Variants in LRRC8B observed in about 807,000 individuals in gnomAD.
LRRC8B encodes the protein volume-regulated anion channel subunit LRRC8B.
In LRRC8B, 23 loss-of-function variants were observed where a neutral mutation model predicts 58.8. The observed-to-expected ratio is 0.39, with a 90% CI of 0.28 to 0.55. The LOEUF (loss-of-function observed/expected upper bound fraction) is 0.55, where lower values mean the gene tolerates loss of function less well. LRRC8B is among the 20% of genes least tolerant of loss of function. The pLI is 0.62. For synonymous variants in LRRC8B, 359 were observed against 374.1 expected, an observed-to-expected ratio of 0.96 and a Z score of 0.47; for missense variants, 694 against 936.0, an observed-to-expected ratio of 0.74 and a Z score of 3.37.
chr1:89,592,614 A>G (rs914565581), intron 5 of LRRC8B, among the ~76,000 whole-genome samples, 157 bp from the exon 6 acceptor site: 12 of 151,022 alleles, frequency 7.9e-5, no homozygotes, highest in African/African-American at 2.9e-4. Context: ...TTTTCCCTCT[A>G]TCTTTTCATC....
chr1:89,539,955 C>T (rs1341879967), intron 1 of LRRC8B, among the ~76,000 whole-genome samples: 1 of 152,152 alleles, frequency 6.6e-6, no homozygotes, highest in Non-Finnish European at 1.5e-5. Context: ...ATTAAATATT[C>T]AGCAGATATT....
At chr1:89,529,711 A>T (rs1028289562) in intron 1 of LRRC8B, among the ~76,000 whole-genome samples, 3 of 152,052 alleles carry the variant, frequency 2.0e-5, no homozygotes, top group Non-Finnish European at 2.9e-5. Flanking sequence ...TGACAGCAAA[A>T]TTTTTTCTAT....
At chr1:89,585,552 G>A (rs1231651146) in intron 5 of LRRC8B, among the ~76,000 whole-genome samples, 1 of 152,156 alleles carries the variant, frequency 6.6e-6, no homozygotes, top group Non-Finnish European at 1.5e-5. Context: ...GGAAGAAAGA[G>A]GGAAAACCTG....
At chr1:89,584,893 A>G (rs1414323485) in intron 5 of LRRC8B, 104 bp downstream of exon 5, 1 of 796,680 alleles carries the variant, frequency 1.3e-6, no homozygotes, top group Non-Finnish European at 2.0e-6. Context: ...TTCTCAAGCC[A>G]AGCCCAATCC....
intron 1 of LRRC8B, chr1:89,558,773 G>T (rs1160211802): frequency 6.6e-6 from 1 of 152,158 alleles, no homozygotes; most frequent in Non-Finnish European, 1.5e-5. Flanking sequence ...CGTTGAACAT[G>T]GTGTAGGAGT....
chr1:89,573,483 A>G (rs914508904), intron 3 of LRRC8B, among the ~76,000 whole-genome samples: 1 of 152,050 alleles, frequency 6.6e-6, no homozygotes, highest in African/African-American at 2.4e-5. Flanking sequence ...TGATTTTCCT[A>G]ATGTTTAGAG....
chr1:89,530,887 A>AT (rs1480017444), intron 1 of LRRC8B, among the ~76,000 whole-genome samples: 1 of 152,042 alleles, frequency 6.6e-6, no homozygotes, highest in Non-Finnish European at 1.5e-5. Flanking sequence ...CTGCTGAGCT[A>AT]TTAGGGGAGT....
At chr1:89,562,297 CAGA>C (rs777450758) in intron 1 of LRRC8B, among the ~76,000 whole-genome samples, 5 of 151,974 alleles carry the variant, frequency 3.3e-5, no homozygotes, top group African/African-American at 4.8e-5. Flanking sequence ...GACCTCTTAA[CAGA>C]AGATTAACAG....
chr1:89,568,885 CAT>C (rs374198084), intron 3 of LRRC8B, among the ~76,000 whole-genome samples: 3 of 152,120 alleles, frequency 2.0e-5, no homozygotes, highest in African/African-American at 7.2e-5. Flanking sequence ...TTAATGCTAC[CAT>C]AGATTTGGTT....
At chr1:89,553,675 T>G (rs2100918809) in intron 1 of LRRC8B, among the ~76,000 whole-genome samples, 1 of 152,312 alleles carries the variant, frequency 6.6e-6, no homozygotes, top group Admixed American at 6.5e-5. Context: ...TCTAATTACT[T>G]TGTCCATTTG....
rs377547152 is a variant in LRRC8B at position 89,540,750 on chromosome 1, G to A, written c.-241+15728G>A. Among the ~76,000 whole-genome samples, 468 of 152,326 alleles carry A rather than the reference G, an allele frequency of 3.1e-3. 3 individuals are homozygous for A. The highest frequency in any genetic ancestry group is 0.01 in the South Asian group (50 of 4,826). ...AGTAACACTGGCAACTGTGTGGAGGGTGTGCTGAAGATGAGAGAGATCATA... is the reference window on the plus strand; with the variant it reads ...AGTAACACTGGCAACTGTGTGGAGGATGTGCTGAAGATGAGAGAGATCATA... On this transcript the variant is annotated intron_variant, in intron 1 of 5. Coordinates refer to ENST00000330947, the MANE Select transcript of LRRC8B (RefSeq NM_001369817.2).
At chr1:89,588,253 G>A (rs7536249) in intron 5 of LRRC8B, among the ~76,000 whole-genome samples, 2,060 of 152,162 alleles carry the variant, frequency 0.014, 45 homozygotes, top group African/African-American at 0.047. Flanking sequence ...TCCATAGGAC[G>A]GTAATAGGTG....
chr1:89,571,423 A>G (rs1653466662), intron 3 of LRRC8B, among the ~76,000 whole-genome samples: 2 of 152,192 alleles, frequency 1.3e-5, no homozygotes, highest in East Asian at 3.9e-4. Context: ...CTCCCTAGTT[A>G]TCTGTATTCC....
intron 1 of LRRC8B, among the ~76,000 whole-genome samples, chr1:89,533,332 C>T (rs1427308408): frequency 6.6e-6 from 1 of 152,156 alleles, no homozygotes; most frequent in East Asian, 1.9e-4. Context: ...CATCTCTTGC[C>T]ACTCTGTCAT....
At chr1:89,529,201 T>C (rs1173432755) in intron 1 of LRRC8B, among the ~76,000 whole-genome samples, 1 of 152,224 alleles carries the variant, frequency 6.6e-6, no homozygotes, top group African/African-American at 2.4e-5. Context: ...AAATCCTGTT[T>C]ATATTCCTCC....
intron 1 of LRRC8B, among the ~76,000 whole-genome samples, chr1:89,567,924 A>G (rs1353318356): frequency 6.6e-6 from 1 of 152,044 alleles, no homozygotes; most frequent in Non-Finnish European, 1.5e-5. Flanking sequence ...CCTGTGATAT[A>G]TAAGTGGCAA....
At chr1:89,538,438 C>T (rs1450764124) in intron 1 of LRRC8B, among the ~76,000 whole-genome samples, 1 of 152,120 alleles carries the variant, frequency 6.6e-6, no homozygotes, top group African/African-American at 2.4e-5. Context: ...GCAGTGACTC[C>T]CTTAGAGTGA....
intron 5 of LRRC8B, among the ~76,000 whole-genome samples, chr1:89,585,641 A>G (rs1363974270): frequency 6.6e-6 from 1 of 152,092 alleles, no homozygotes; most frequent in Non-Finnish European, 1.5e-5. Flanking sequence ...ACCACACTTC[A>G]AAATATATTA....
chr1:89,591,730 C>T (rs530199307), intron 5 of LRRC8B, among the ~76,000 whole-genome samples: 4 of 152,262 alleles, frequency 2.6e-5, no homozygotes, highest in East Asian at 3.9e-4. Context: ...GTCTCCCAGC[C>T]GGTCTGCATT....
Sources: allele counts gnomAD v4.1 joint callset (sites outside exome capture counted in the v4.1 genomes callset), GRCh38; gene constraint gnomAD v4.1.1; transcripts MANE v1.5; gene names NCBI Gene and HGNC (gene_info 2026-07-23, HGNC 2026-07-21).